The following MAPK14 variants were observed in gnomAD, a reference collection of about 807,000 sequenced individuals.
MAPK14 encodes the protein mitogen-activated protein kinase 14.
In MAPK14, 16 loss-of-function variants were observed where a neutral mutation model predicts 49.6. That is an observed-to-expected ratio of 0.32 (90% CI 0.22 to 0.49). MAPK14 has a LOEUF of 0.49. Ranked by LOEUF, MAPK14 falls within the 20% of genes least tolerant of loss-of-function variation. MAPK14 has a pLI of 0.99. For synonymous variants in MAPK14, 142 were observed against 158.0 expected, an observed-to-expected ratio of 0.90 and a Z score of 0.76; for missense variants, 200 against 441.2, an observed-to-expected ratio of 0.45 and a Z score of 4.90.
chr6:36,113,343 T>TAAAAAA (rs35876911), downstream of MAPK14, among the ~76,000 whole-genome samples: 4 of 71,756 alleles, frequency 5.6e-5, no homozygotes, highest in Non-Finnish European at 8.6e-5. Context: ...CCCTGTCTCA[T>TAAAAAA]AAAAAAAAAA....
At position 36,028,637 on chromosome 6, in the gene MAPK14, C is replaced by A. The variant is rs941091957; in HGVS notation, c.116+364C>A. 6.6e-6 allele frequency among the ~76,000 whole-genome samples: 1 copy of A among 152,200 alleles called. No homozygotes were observed. Among genetic ancestry groups the A allele is most frequent in the African/African-American group, 2.4e-5 (1 of 41,452 alleles). ...CCTGCCTACCTGGAGCAGAAGGACC[C>A]TCTCCCGTGATGCGCCCACGCTGGG... On this transcript the variant is annotated intron_variant, in intron 1 of 11. Coordinates refer to ENST00000229794, the MANE Select transcript of MAPK14 (RefSeq NM_139012.3). The surrounding 1 kb of genome is among the most constrained non-coding windows in gnomAD (Gnocchi z 5.1).
chr6:36,075,070 C>A (rs111852085), intron 6 of MAPK14, among the ~76,000 whole-genome samples: 2,213 of 151,166 alleles, frequency 0.015, 57 homozygotes, highest in African/African-American at 0.045. Flanking sequence ...ACTAAAAATA[C>A]AAAAATTTAG....
chr6:36,122,658 T>C, the MAPK14 span, among the ~76,000 whole-genome samples: 1 of 152,106 alleles, frequency 6.6e-6, no homozygotes, highest in African/African-American at 2.4e-5. Flanking sequence ...CAGGTGAGCA[T>C]GGCTTGTAAT....
chr6:36,091,150 C>T (rs1765211657), intron 8 of MAPK14, among the ~76,000 whole-genome samples: 1 of 152,154 alleles, frequency 6.6e-6, no homozygotes, highest in African/African-American at 2.4e-5. Flanking sequence ...ACTTTCTGGC[C>T]TGTGGAGGTT....
chr6:36,082,255 G>C (rs759097462), intron 8 of MAPK14, among the ~76,000 whole-genome samples: 1 of 152,100 alleles, frequency 6.6e-6, no homozygotes, highest in Admixed American at 6.5e-5. Flanking sequence ...TAGAACTTCT[G>C]CTACAATGCT....
intron 9 of MAPK14, among the ~76,000 whole-genome samples, chr6:36,098,513 G>A (rs1161915756): frequency 1.3e-5 from 2 of 152,044 alleles, no homozygotes; most frequent in African/African-American, 4.8e-5. Flanking sequence ...CTCCAGCCTG[G>A]GCAACAGAGC....
intron 8 of MAPK14, among the ~76,000 whole-genome samples, chr6:36,084,888 G>T (rs1764916651): frequency 6.6e-6 from 1 of 151,938 alleles, no homozygotes; most frequent in Non-Finnish European, 1.5e-5. Flanking sequence ...GATTCTCCAA[G>T]GTTGAAATGA....
chr6:36,061,258 A>C (rs1262867708), intron 3 of MAPK14, among the ~76,000 whole-genome samples: 1 of 152,216 alleles, frequency 6.6e-6, no homozygotes, highest in African/African-American at 2.4e-5. Context: ...ACTTGTGCAA[A>C]GTGCAAAATG....
At chr6:36,113,371 T>C (rs1346154030), downstream of MAPK14, among the ~76,000 whole-genome samples, 1 of 128,604 alleles carries the variant, frequency 7.8e-6, no homozygotes, top group Non-Finnish European at 1.6e-5. Context: ...AAAAAAAAGG[T>C]CTTAAGTGCA....
intron 9 of MAPK14, among the ~76,000 whole-genome samples, chr6:36,101,769 C>T (rs577975042): frequency 1.6e-4 from 24 of 152,326 alleles, no homozygotes; most frequent in African/African-American, 5.3e-4. Flanking sequence ...ACCTTGGCCT[C>T]CCAAAGTGCT....
chr6:36,074,629 T>C (rs1429144137), intron 6 of MAPK14, among the ~76,000 whole-genome samples: 4 of 152,078 alleles, frequency 2.6e-5, no homozygotes, highest in Non-Finnish European at 5.9e-5. Context: ...TTTTTCCTTT[T>C]TTTTGGGATG....
intron 7 of MAPK14, 43 bp from the exon 8 acceptor site, chr6:36,076,494 C>A (rs1764537079): frequency 7.2e-7 from 1 of 1,381,274 alleles, no homozygotes; most frequent in Admixed American, 1.7e-5. Flanking sequence ...AGAATTGTAA[C>A]AGTGACATTG....
chr6:36,118,480 G>A, the MAPK14 span, among the ~76,000 whole-genome samples: 1 of 152,118 alleles, frequency 6.6e-6, no homozygotes, highest in African/African-American at 2.4e-5. Flanking sequence ...GCCATTTCTG[G>A]GCCGGTGCAC....
chr6:36,100,788 C>A (rs972872240), intron 9 of MAPK14, among the ~76,000 whole-genome samples: 3 of 152,104 alleles, frequency 2.0e-5, no homozygotes, highest in African/African-American at 7.2e-5. Flanking sequence ...TTATTAACTA[C>A]TTAGTCTAAC....
chr6:36,091,141 C>G (rs1003755116), intron 8 of MAPK14, among the ~76,000 whole-genome samples: 1 of 152,204 alleles, frequency 6.6e-6, no homozygotes, highest in East Asian at 1.9e-4. Context: ...TTATCTTCAA[C>G]TTTCTGGCCT....
At chr6:36,037,263 G>A (rs1762789077) in intron 1 of MAPK14, among the ~76,000 whole-genome samples, 1 of 152,036 alleles carries the variant, frequency 6.6e-6, no homozygotes, top group Non-Finnish European at 1.5e-5. Flanking sequence ...ATGTGTTAAG[G>A]ATTTACAAAA....
rs201408793 is a variant in MAPK14, at chr6:36,075,971, C to T, written c.610+9C>T. 135 of 1,613,758 alleles carry T rather than the reference C, an allele frequency of 8.4e-5. No homozygotes were observed. The highest frequency in any genetic ancestry group is 9.9e-5 in the Non-Finnish European group (117 of 1,179,898). On this transcript the variant is annotated intron_variant, in intron 7 of 11. Coordinates refer to ENST00000229794, the MANE Select transcript of MAPK14 (RefSeq NM_139012.3). ...GCATTACAACCAGACAGGTATTACT[C>T]GCCTTGGTTATTTAGGGCCTTATTT...
chr6:36,059,262 C>T, intron 2 of MAPK14, 27 bp from the exon 3 acceptor site: 1 of 1,455,350 alleles, frequency 6.9e-7, no homozygotes, highest in Non-Finnish European at 9.6e-7. Flanking sequence ...TATTTATTTA[C>T]TTTTTAATTT....
intron 1 of MAPK14, among the ~76,000 whole-genome samples, chr6:36,040,530 A>G (rs1476070754): frequency 6.6e-6 from 1 of 152,192 alleles, no homozygotes; most frequent in Non-Finnish European, 1.5e-5. Flanking sequence ...CAGCATTTCT[A>G]ATGGTCAAGG....
Sources: gnomAD v4.1 joint callset for allele counts (sites outside exome capture counted in the v4.1 genomes callset) on GRCh38, gnomAD v4.1.1 for gene constraint, Gnocchi (gnomAD v3.1) non-coding constraint, MANE v1.5 for transcripts, NCBI Gene and HGNC (gene_info 2026-07-23, HGNC 2026-07-21) for gene names.